Variants in TENM4 observed in about 807,000 individuals in gnomAD.
The protein encoded by TENM4 is teneurin transmembrane protein 4.
In TENM4, 82 loss-of-function variants were observed where a neutral mutation model predicts 243.3. The ratio of observed to expected loss-of-function variants is 0.34; its 90% CI spans 0.28 to 0.40. TENM4 has a LOEUF of 0.40. Among genes scored for constraint, TENM4 ranks in the 10% least tolerant of loss-of-function variants. The pLI is 1.00. For synonymous variants in TENM4, 1,412 were observed against 1,456.3 expected (o/e 0.97, Z 0.69); for missense variants, 3,138 against 3,673.3 (o/e 0.85, Z 3.77).
chr11:79,300,893 A>G (rs2135398211), intron 1 of TENM4, among the ~76,000 whole-genome samples: 1 of 152,288 alleles, frequency 6.6e-6, no homozygotes, highest in South Asian at 2.1e-4. Flanking sequence ...AAATCTGGGT[A>G]CCTGTTTCCT....
In TENM4 at chr11:78,805,277, T is replaced by TGGCCCCCCCCCCCCCCCCC; in HGVS notation, c.2179+14_2179+15insGGGGGGGGGGGGGGGGGCC. On this transcript the variant is annotated intron_variant, in intron 15 of 33. Coordinates refer to ENST00000278550, the MANE Select transcript of TENM4 (RefSeq NM_001098816.3). Reference sequence around the variant, plus strand: ...CCCCTCCCTCTACCCATGCTTCTTCTCCCCCTGCATTTACCGATAGAACAG... The same window carrying TGGCCCCCCCCCCCCCCCCC: ...CCCCTCCCTCTACCCATGCTTCTTCTGGCCCCCCCCCCCCCCCCCCCCCCTGCATTTACCGATAGAACAG... The TGGCCCCCCCCCCCCCCCCC allele has an allele frequency of 2.1e-6, 3 of 1,402,548 alleles. No individual in the cohort carries two copies. The highest frequency in any genetic ancestry group is 1.9e-6 in the Non-Finnish European group (2 of 1,033,114). The allele number at this position is 1,402,548 out of a possible 1,614,324, so 86.9% of individuals were successfully genotyped here.
chr11:78,963,974 T>G (rs768897935), intron 6 of TENM4, among the ~76,000 whole-genome samples: 92 of 151,038 alleles, frequency 6.1e-4, no homozygotes, highest in Non-Finnish European at 1.2e-3. Flanking sequence ...CCTGACCTTG[T>G]GATCCACCCA....
chr11:79,329,803 T>A (rs1007783684), intron 1 of TENM4, among the ~76,000 whole-genome samples: 4 of 152,186 alleles, frequency 2.6e-5, no homozygotes, highest in Non-Finnish European at 5.9e-5. Context: ...TGTGCAGGTC[T>A]CAGCAAGGAG....
Position 78,854,306 on chromosome 11 carries a change from A to G in TENM4, c.1479T>C (p.Phe493=), listed in dbSNP as rs1308548572. 1.5e-5 allele frequency: 23 copies of G among 1,508,058 alleles called. No individual in the cohort carries two copies. Among genetic ancestry groups the G allele is most frequent in the Non-Finnish European group, 2.0e-5 (23 of 1,125,076 alleles). The allele number at this position is 1,508,058 out of a possible 1,614,324, so 93.4% of individuals were successfully genotyped here. Residue 493 remains phenylalanine, a synonymous_variant, in exon 12 of 34, where the codon TTT becomes TTC. Transcript: ENST00000278550. ...GLPPSHTQFD[F]VELLDGRRLL... Reference sequence around the variant, plus strand: ...GCCTCCTGCCATCCAGCAGCTCCACAAAGTCAAACTGAAAGACAGAGAAAG... The same window carrying G: ...GCCTCCTGCCATCCAGCAGCTCCACGAAGTCAAACTGAAAGACAGAGAAAG...
chr11:79,111,239 G>A (rs1166399526), intron 4 of TENM4, among the ~76,000 whole-genome samples: 2 of 152,166 alleles, frequency 1.3e-5, no homozygotes, highest in African/African-American at 2.4e-5. Flanking sequence ...ATGTAAAACT[G>A]TGAGTCCATC....
In TENM4 at chr11:78,786,928, G is replaced by C; in HGVS notation, c.2335C>G (p.Pro779Ala). 6.2e-7 allele frequency: 1 copy of C among 1,609,088 alleles called. No individual in the cohort carries two copies. ...GTGCAGTGTTCGCCATTCCAGCCAG[G>C]GCTGCACTCGCACTTGCCGTCGCGG... The part of the protein sequence containing the change: ...TCRDGKCECS[P>A]GWNGEHCTIA... The change falls in exon 16 of 34, where the codon CCT (proline) becomes GCT (alanine). Residue 779 changes from proline (P) to alanine (A), a missense_variant. Physicochemically the swap from Pro to Ala is conservative, Grantham distance 27 (BLOSUM62 -1). This residue lies in a region of TENM4 where 2,467 missense variants were observed against 3,059.1 expected (regional missense o/e 0.81). Transcript: ENST00000278550.
At chr11:78,664,004 C>T (rs1001126242) in intron 32 of TENM4, among the ~76,000 whole-genome samples, 2 of 152,176 alleles carry the variant, frequency 1.3e-5, no homozygotes, top group Admixed American at 1.3e-4. Context: ...TTCAGCCTTA[C>T]TAGGCAAAAT....
chr11:78,722,422 CA>C (rs1855406983), intron 24 of TENM4, among the ~76,000 whole-genome samples: 1 of 152,164 alleles, frequency 6.6e-6, no homozygotes, highest in Non-Finnish European at 1.5e-5. Context: ...TGGCTGCTAG[CA>C]GCCTTCTATG....
intron 9 of TENM4, among the ~76,000 whole-genome samples, chr11:78,887,587 C>T (rs1212952825): frequency 6.6e-6 from 1 of 152,150 alleles, no homozygotes; most frequent in African/African-American, 2.4e-5. Context: ...AGACTGTCAA[C>T]GTTGGAAGGA....
intron 12 of TENM4, among the ~76,000 whole-genome samples, chr11:78,830,346 G>T (rs929677140): frequency 1.3e-5 from 2 of 152,186 alleles, no homozygotes; most frequent in African/African-American, 4.8e-5. Context: ...GCCAGGGGCT[G>T]GGCCCAGCAG....
At chr11:79,122,020 G>T (rs945921056) in intron 4 of TENM4, among the ~76,000 whole-genome samples, 1 of 152,054 alleles carries the variant, frequency 6.6e-6, no homozygotes, top group Non-Finnish European at 1.5e-5. Flanking sequence ...TTTCCCCACC[G>T]CTCAAGAAAA....
chr11:79,171,907 C>T (rs1863054027), intron 3 of TENM4, among the ~76,000 whole-genome samples: 1 of 152,202 alleles, frequency 6.6e-6, no homozygotes. Flanking sequence ...AGTACTTTGC[C>T]ATCCAAAGCA....
chr11:78,671,988 C>A, intron 31 of TENM4, 45 bp downstream of exon 31: 1 of 1,572,610 alleles, frequency 6.4e-7, no homozygotes, highest in Non-Finnish European at 8.6e-7. Flanking sequence ...GAATGATTGG[C>A]CTTCTGTATG....
intron 29 of TENM4, among the ~76,000 whole-genome samples, chr11:78,683,055 C>A (rs1253574665): frequency 1.1e-4 from 1 of 8,762 alleles, no homozygotes; most frequent in Non-Finnish European, 2.8e-4. Flanking sequence ...TGTCAGTGTG[C>A]CCCTGCTGGG....
chr11:79,225,706 T>G (rs1394316427), intron 2 of TENM4, among the ~76,000 whole-genome samples: 2 of 152,202 alleles, frequency 1.3e-5, no homozygotes, highest in Non-Finnish European at 2.9e-5. Context: ...CTCGAACTCC[T>G]GAGCTCAAGC....
At chr11:79,343,640 C>T (rs1475444342) in intron 1 of TENM4, among the ~76,000 whole-genome samples, 3 of 151,240 alleles carry the variant, frequency 2.0e-5, no homozygotes, top group Non-Finnish European at 2.9e-5. Context: ...AAAGAAAATA[C>T]AGTGTAGCTA....
chr11:78,856,740 G>A (rs1221029664), intron 10 of TENM4, among the ~76,000 whole-genome samples: 1 of 152,066 alleles, frequency 6.6e-6, no homozygotes, highest in African/African-American at 2.4e-5. Context: ...GCAGGGTTAG[G>A]GGCTGGGGAA....
intron 19 of TENM4, among the ~76,000 whole-genome samples, chr11:78,754,566 G>A (rs1411318870): frequency 6.6e-6 from 1 of 152,130 alleles, no homozygotes; most frequent in African/African-American, 2.4e-5. Flanking sequence ...GAATGACTGA[G>A]CAAGTGACAA....
chr11:79,284,138 T>C (rs1389030740), intron 2 of TENM4, among the ~76,000 whole-genome samples: 1 of 152,322 alleles, frequency 6.6e-6, no homozygotes, highest in African/African-American at 2.4e-5. Flanking sequence ...CCCAAATTTA[T>C]TTATAGATTT....
Sources: allele counts gnomAD v4.1 joint callset (sites outside exome capture counted in the v4.1 genomes callset), GRCh38; gene constraint gnomAD v4.1.1; regional missense constraint gnomAD v4.1.1; transcripts MANE v1.5; gene names NCBI Gene and HGNC (gene_info 2026-07-23, HGNC 2026-07-21).